Variants in LPP observed in about 807,000 individuals in gnomAD.
The protein encoded by LPP is LIM domain containing preferred translocation partner in lipoma.
LPP carries 38 observed loss-of-function variants against 60.4 expected under a neutral mutation model. The ratio of observed to expected loss-of-function variants is 0.63; its 90% CI spans 0.49 to 0.83. LPP has a LOEUF of 0.83. LPP is among the 40% of genes least tolerant of loss of function. The probability of loss-of-function intolerance (pLI) is 0.00; values close to 1 mark genes in which losing one functional copy is unlikely to be tolerated. For missense variants in LPP, 902 were observed against 783.6 expected, an observed-to-expected ratio of 1.15 and a Z score of -1.80; for synonymous variants, 328 against 290.8, an observed-to-expected ratio of 1.13 and a Z score of -1.30.
rs1348470522 is a variant in LPP at position 188,881,125 on chromosome 3, G to A, written c.*6646G>A. On this transcript the variant is annotated 3_prime_UTR_variant, in exon 12 of 12. Transcript: ENST00000617246. ...ACTGCAGTCCGGCCTGGGCGAAAGA[G>A]CGAGACTCCGTCTCAAAAAAAAAAA... 2 of 52,480 alleles carry A rather than the reference G, an allele frequency of 3.8e-5. No homozygotes were observed. The highest frequency in any genetic ancestry group is 1.1e-4 in the African/African-American group (2 of 18,778). 3.3% of individuals were successfully genotyped at this position (52,480 alleles called of 1,614,324 possible).
intron 1 of LPP, among the ~76,000 whole-genome samples, chr3:188,218,434 C>T (rs914971100): frequency 1.5e-4 from 23 of 152,192 alleles, no homozygotes; most frequent in African/African-American, 5.1e-4. Context: ...TATCCCCTGG[C>T]AATCTTATAC....
Position 188,217,122 on chromosome 3 carries a change from A to T in LPP, c.-189-8283A>T, listed in dbSNP as rs1254147221. 6.6e-6 allele frequency among the ~76,000 whole-genome samples: 1 copy of T among 152,152 alleles called. No homozygotes were observed. The highest frequency in any genetic ancestry group is 1.9e-4 in the East Asian group (1 of 5,198). On this transcript the variant is annotated intron_variant, in intron 1 of 11. Transcript: ENST00000617246. This position sits in a 1 kb window ranked among gnomAD's most constrained non-coding sequence, Gnocchi z 4.0. ...ATAAAGGAACACTTAAACAAGAGGGACTGATAAGTAACCCAAGGGAGGAGT... is the reference window on the plus strand; with the variant it reads ...ATAAAGGAACACTTAAACAAGAGGGTCTGATAAGTAACCCAAGGGAGGAGT...
chr3:188,658,137 G>GTTTAGTTTAGTTTAGT (rs375100095), intron 7 of LPP, among the ~76,000 whole-genome samples: 39,288 of 145,832 alleles, frequency 0.27, 6,550 homozygotes, highest in East Asian at 0.53. Flanking sequence ...TTTAGTTTAG[G>GTTTAGTTTAGTTTAGT]TTAGTTTAGT....
intron 2 of LPP, among the ~76,000 whole-genome samples, chr3:188,280,041 G>T (rs1741370435): frequency 6.6e-6 from 1 of 152,198 alleles, no homozygotes; most frequent in Non-Finnish European, 1.5e-5. Flanking sequence ...AGGTGTGTAA[G>T]TAAAGTGGCA....
At chr3:188,701,639 G>A (rs1331452053) in intron 7 of LPP, among the ~76,000 whole-genome samples, 4 of 152,284 alleles carry the variant, frequency 2.6e-5, no homozygotes, top group Middle Eastern at 3.4e-3. Context: ...AGCAAGAGGA[G>A]GAAATGGATT....
At chr3:188,835,029 A>G (rs769835230) in intron 9 of LPP, among the ~76,000 whole-genome samples, 5 of 152,136 alleles carry the variant, frequency 3.3e-5, no homozygotes, top group African/African-American at 4.8e-5. Flanking sequence ...CTAGTAGTGT[A>G]TTTTCCTTAC....
chr3:188,635,828 G>T (rs1193492050), intron 7 of LPP, among the ~76,000 whole-genome samples: 2 of 152,198 alleles, frequency 1.3e-5, no homozygotes, highest in South Asian at 2.1e-4. Flanking sequence ...TTCCTGATTT[G>T]AATTTAGTGT....
At chr3:188,296,816 T>C (rs1042258954) in intron 2 of LPP, among the ~76,000 whole-genome samples, 6 of 152,184 alleles carry the variant, frequency 3.9e-5, no homozygotes, top group Non-Finnish European at 5.9e-5. Flanking sequence ...GATCTGCCTC[T>C]AACAGTCAGG....
chr3:188,704,706 G>A lies in LPP; in HGVS notation c.1114-3561G>A, dbSNP rs1302686621. ...CATGCAAATATATTCCCCGTGGTCT[G>A]TGAACTTCTTGAAATTGTAAGTAAA... On this transcript the variant is annotated intron_variant, in intron 7 of 11. Coordinates refer to ENST00000617246, the MANE Select transcript of LPP (RefSeq NM_001375462.1). Among the ~76,000 whole-genome samples, 8 of 152,218 alleles carry A rather than the reference G, an allele frequency of 5.3e-5. No individual in the cohort carries two copies. In the East Asian group the frequency reaches 1.4e-3, roughly 26 times the overall value.
chr3:188,488,855 T>G (rs1489815286), intron 5 of LPP, among the ~76,000 whole-genome samples: 1 of 152,076 alleles, frequency 6.6e-6, no homozygotes. Context: ...GCCAGGTTGG[T>G]CTCAAACTCC....
intron 6 of LPP, among the ~76,000 whole-genome samples, chr3:188,603,066 G>A (rs910023531): frequency 3.0e-5 from 4 of 131,490 alleles, no homozygotes; most frequent in Admixed American, 7.6e-5. Context: ...TAATAATAAT[G>A]AACACAGCTT....
chr3:188,276,330 C>T (rs1159771374), intron 2 of LPP, among the ~76,000 whole-genome samples: 1 of 152,170 alleles, frequency 6.6e-6, no homozygotes, highest in Non-Finnish European at 1.5e-5. Context: ...GGTGGCCGGA[C>T]CCCAACTTCG....
chr3:188,592,553 T>TTTTTTTGTTTGTTTG (rs1553936328), intron 6 of LPP, among the ~76,000 whole-genome samples: 2 of 121,280 alleles, frequency 1.6e-5, no homozygotes, highest in Admixed American at 8.4e-5. Flanking sequence ...TTAGTTTTGT[T>TTTTTTTGTTTGTTTG]TTTGTTTTTT....
intron 5 of LPP, among the ~76,000 whole-genome samples, chr3:188,495,084 T>TATATATATATATATATATA (rs61034825): frequency 1.9e-4 from 3 of 15,506 alleles, no homozygotes; most frequent in African/African-American, 3.0e-4. Context: ...ATATATATAT[T>TATATATATATATATATATA]TTATTTATAT....
At chr3:188,411,670 T>C (rs1416061263) in intron 4 of LPP, among the ~76,000 whole-genome samples, 2 of 152,082 alleles carry the variant, frequency 1.3e-5, no homozygotes, top group Non-Finnish European at 2.9e-5. Context: ...GGGTTTTCAC[T>C]CTGCTCCAAA....
intron 9 of LPP, among the ~76,000 whole-genome samples, chr3:188,808,119 A>C (rs1307435991): frequency 6.6e-6 from 1 of 151,898 alleles, no homozygotes; most frequent in African/African-American, 2.4e-5. Flanking sequence ...ACAGATTTCA[A>C]ATATCTCTAA....
chr3:188,827,376 C>T (rs987458809), intron 9 of LPP, among the ~76,000 whole-genome samples: 7 of 152,276 alleles, frequency 4.6e-5, no homozygotes, highest in Middle Eastern at 3.4e-3. Context: ...TGACCCCATA[C>T]GTTTAAGTCC....
intron 1 of LPP, among the ~76,000 whole-genome samples, chr3:188,172,977 C>T (rs1156915348): frequency 6.6e-6 from 1 of 152,218 alleles, no homozygotes. Context: ...AAGCAATCCT[C>T]CCACCTCAGC....
intron 5 of LPP, among the ~76,000 whole-genome samples, chr3:188,492,561 T>A (rs1364668881): frequency 6.6e-6 from 1 of 151,978 alleles, no homozygotes; most frequent in Non-Finnish European, 1.5e-5. Flanking sequence ...CTCTGTGTGG[T>A]CGTGTGTGCC....
Sources: allele counts gnomAD v4.1 joint callset (sites outside exome capture counted in the v4.1 genomes callset), GRCh38; gene constraint gnomAD v4.1.1; non-coding constraint Gnocchi (gnomAD v3.1); transcripts MANE v1.5; gene names NCBI Gene and HGNC (gene_info 2026-07-23, HGNC 2026-07-21).